Variants in PPP1R1C observed in about 807,000 individuals in gnomAD.
The protein encoded by PPP1R1C is protein phosphatase 1 regulatory subunit 1C.
A neutral mutation model predicts 17.4 loss-of-function variants in PPP1R1C; 15 were observed. That is an observed-to-expected ratio of 0.86 (90% CI 0.58 to 1.33). The LOEUF (loss-of-function observed/expected upper bound fraction) is 1.33, where lower values mean the gene tolerates loss of function less well. Ranked by LOEUF, PPP1R1C falls within the 40% of genes most tolerant of loss-of-function variation. The pLI is 0.00. For missense variants in PPP1R1C, 143 were observed against 130.0 expected, an observed-to-expected ratio of 1.10 and a Z score of -0.48; for synonymous variants, 35 against 43.1, an observed-to-expected ratio of 0.81 and a Z score of 0.73.
In PPP1R1C at chr2:181,992,580, C is replaced by T. The variant is rs1192452415; in HGVS notation, c.142+4681C>T. Among the ~76,000 whole-genome samples, 3 of 134,434 alleles carry T rather than the reference C, an allele frequency of 2.2e-5. 1 individual carries two copies. Among genetic ancestry groups the T allele is most frequent in the Non-Finnish European group, 5.0e-5 (3 of 60,004 alleles). 88.2% of individuals were successfully genotyped at this position (134,434 alleles called of 152,430 possible). A position where few individuals can be genotyped will look rare whatever the true frequency, so the allele number is the denominator to read the frequency against. ...CTGACGCCTACTAAACATGAGTGAG[C>T]TGTATGAGGCCTGGAGATAAGTGCA... On this transcript the variant is annotated intron_variant, in intron 2 of 4. Coordinates refer to ENST00000682840, the MANE Select transcript of PPP1R1C (RefSeq NM_001080545.3).
At chr2:182,108,131 T>A (rs1225184294) in intron 4 of PPP1R1C, among the ~76,000 whole-genome samples, 3 of 152,134 alleles carry the variant, frequency 2.0e-5, no homozygotes, top group African/African-American at 7.2e-5. Flanking sequence ...AATGTAGTAA[T>A]GGTGTCACAG....
At chr2:182,044,063 C>T (rs1439965804) in intron 2 of PPP1R1C, among the ~76,000 whole-genome samples, 3 of 152,292 alleles carry the variant, frequency 2.0e-5, no homozygotes, top group South Asian at 2.1e-4. Flanking sequence ...TTGTGCAAGT[C>T]GAGTCCATTC....
intron 4 of PPP1R1C, among the ~76,000 whole-genome samples, chr2:182,073,339 T>C (rs948067817): frequency 1.6e-4 from 24 of 152,244 alleles, no homozygotes; most frequent in African/African-American, 5.8e-4. Context: ...TCCTAGTCAA[T>C]GGTGAATCAG....
At chr2:182,026,680 C>T (rs972655401) in intron 2 of PPP1R1C, among the ~76,000 whole-genome samples, 18 of 152,222 alleles carry the variant, frequency 1.2e-4, no homozygotes, top group African/African-American at 4.3e-4. Flanking sequence ...TTAGGATTGA[C>T]TTGGCAATGC....
intron 3 of PPP1R1C, 43 bp downstream of exon 3, chr2:182,061,522 T>G: frequency 7.8e-7 from 1 of 1,290,138 alleles, no homozygotes; most frequent in Non-Finnish European, 1.0e-6. Context: ...TTCAAATCAA[T>G]TAAAAATGCA....
intron 1 of PPP1R1C, among the ~76,000 whole-genome samples, chr2:181,965,683 C>CAG (rs1684893273): frequency 6.6e-6 from 1 of 152,138 alleles, no homozygotes; most frequent in Admixed American, 6.5e-5. Flanking sequence ...GTAACCAAAA[C>CAG]CATGCTGTTT....
chr2:182,117,391 T>C lies in PPP1R1C; in HGVS notation c.*96T>C. The C allele has an allele frequency of 1.2e-6, 1 of 848,424 alleles. No individual in the cohort carries two copies. The highest frequency in any genetic ancestry group is 2.7e-5 in the East Asian group (1 of 37,480). The allele number at this position is 848,424 out of a possible 1,614,324, so 52.6% of individuals were successfully genotyped here. Reference sequence around the variant, plus strand: ...TTCCACTGCTTGACTTCCAGAAGCATCCTCCATCTCTGCACCCCACACTCA... The same window carrying C: ...TTCCACTGCTTGACTTCCAGAAGCACCCTCCATCTCTGCACCCCACACTCA... On this transcript the variant is annotated 3_prime_UTR_variant, in exon 5 of 5. Coordinates refer to ENST00000682840, the MANE Select transcript of PPP1R1C (RefSeq NM_001080545.3).
chr2:182,124,403 T>C (rs1027523230), intron 5 of PPP1R1C, among the ~76,000 whole-genome samples: 33 of 149,410 alleles, frequency 2.2e-4, no homozygotes, highest in African/African-American at 7.7e-4. Context: ...CCATATCAAG[T>C]TTAAAGTAGT....
At chr2:182,074,855 A>G (rs1264018846) in intron 4 of PPP1R1C, among the ~76,000 whole-genome samples, 2 of 152,254 alleles carry the variant, frequency 1.3e-5, no homozygotes, top group African/African-American at 4.8e-5. Flanking sequence ...GCTGTCAAAC[A>G]GTATACAAAT....
intron 4 of PPP1R1C, among the ~76,000 whole-genome samples, chr2:182,110,073 C>G (rs1256011109): frequency 1.3e-5 from 2 of 151,662 alleles, no homozygotes. Flanking sequence ...CTACAATTCA[C>G]AATAATACAG....
intron 4 of PPP1R1C, among the ~76,000 whole-genome samples, chr2:182,113,443 T>A (rs550964116): frequency 9.2e-5 from 14 of 152,308 alleles, no homozygotes; most frequent in South Asian, 4.1e-4. Context: ...AATTCCCTTC[T>A]TAAACTAGTC....
chr2:182,119,054 C>G (rs892103225), downstream of PPP1R1C, among the ~76,000 whole-genome samples: 4 of 151,998 alleles, frequency 2.6e-5, no homozygotes, highest in Non-Finnish European at 5.9e-5. Context: ...TCCCTCCCCC[C>G]ACCACCCACC....
chr2:182,054,884 C>T (rs1687634841), intron 2 of PPP1R1C, among the ~76,000 whole-genome samples: 1 of 152,142 alleles, frequency 6.6e-6, no homozygotes, highest in African/African-American at 2.4e-5. Flanking sequence ...TGGTCTCGAA[C>T]TCCTGACCTC....
At chr2:182,010,555 A>G (rs1199280392) in intron 2 of PPP1R1C, among the ~76,000 whole-genome samples, 4 of 152,056 alleles carry the variant, frequency 2.6e-5, no homozygotes, top group African/African-American at 7.2e-5. Context: ...ATATAAGATC[A>G]TGTTGTCTAC....
chr2:182,117,352 A>G lies in PPP1R1C; in HGVS notation c.*57A>G. ...AATAACTGAACTATTAACTTTTCTG[A>G]GTATACCATGGAATTCCACTGCTTG... On this transcript the variant is annotated 3_prime_UTR_variant, in exon 5 of 5. Transcript: ENST00000682840. 7.8e-7 allele frequency: 1 copy of G among 1,274,490 alleles called. No homozygotes were observed. Among genetic ancestry groups the G allele is most frequent in the Non-Finnish European group, 1.1e-6 (1 of 906,592 alleles). The allele number at this position is 1,274,490 out of a possible 1,614,324, so 78.9% of individuals were successfully genotyped here.
intron 2 of PPP1R1C, among the ~76,000 whole-genome samples, chr2:181,980,359 G>C (rs1004339515): frequency 3.9e-5 from 6 of 152,176 alleles, no homozygotes; most frequent in African/African-American, 1.4e-4. Context: ...AGGTAGACAA[G>C]GGGTGAGAGC....
At chr2:182,101,214 C>T (rs550703420) in intron 4 of PPP1R1C, among the ~76,000 whole-genome samples, 2 of 152,280 alleles carry the variant, frequency 1.3e-5, no homozygotes, top group South Asian at 4.1e-4. Flanking sequence ...GAGCAGGCAG[C>T]CTCCAATTGT....
chr2:181,993,700 A>T (rs1685531805), intron 2 of PPP1R1C, among the ~76,000 whole-genome samples: 1 of 152,164 alleles, frequency 6.6e-6, no homozygotes, highest in South Asian at 2.1e-4. Context: ...TTTTTTAAAA[A>T]GTTACACATG....
rs1411293204 is a variant in PPP1R1C at position 182,100,500 on chromosome 2, T to G, written c.242-16707T>G. On this transcript the variant is annotated intron_variant, in intron 4 of 4. Coordinates refer to ENST00000682840, the MANE Select transcript of PPP1R1C (RefSeq NM_001080545.3). ...ACTCCCCACTAGCAACAGAGCGAGA[T>G]TCCATCTCGGAAAAAAAAAAAAAAG... is the stretch of plus-strand genomic sequence containing the variant. Among the ~76,000 whole-genome samples, 4 of 149,626 alleles carry G rather than the reference T, an allele frequency of 2.7e-5. No individual in the cohort carries two copies. The East Asian group carries it at 5.9e-4, about 22-fold the overall frequency.
Sources: gnomAD v4.1 joint callset for allele counts (sites outside exome capture counted in the v4.1 genomes callset) on GRCh38, gnomAD v4.1.1 for gene constraint, MANE v1.5 for transcripts, NCBI Gene and HGNC (gene_info 2026-07-23, HGNC 2026-07-21) for gene names.